The following CNIH3 variants were observed in gnomAD, a reference collection of about 807,000 sequenced individuals.
The protein encoded by CNIH3 is cornichon family AMPA receptor auxiliary protein 3, also known as protein cornichon homolog 3.
In CNIH3, 14 loss-of-function variants were observed where a neutral mutation model predicts 24.1. The observed-to-expected ratio is 0.58, with a 90% CI of 0.38 to 0.91. The LOEUF is 0.91. Ranked by LOEUF, CNIH3 falls within the 40% of genes least tolerant of loss-of-function variation. The probability of loss-of-function intolerance (pLI) is 0.00; values close to 1 mark genes in which losing one functional copy is unlikely to be tolerated. For missense variants in CNIH3, 178 were observed against 196.8 expected (o/e 0.90, Z 0.57); for synonymous variants, 68 against 73.8 (o/e 0.92, Z 0.40).
chr1:224,555,299 G>A (rs1349036235), intron 3 of CNIH3, among the ~76,000 whole-genome samples: 2 of 152,158 alleles, frequency 1.3e-5, no homozygotes, highest in Admixed American at 1.3e-4. Flanking sequence ...TAAATGTAAT[G>A]AAGATTTAGT....
intron 2 of CNIH3, among the ~76,000 whole-genome samples, chr1:224,683,082 A>G (rs528820424): frequency 4.1e-4 from 63 of 152,380 alleles, no homozygotes; most frequent in East Asian, 5.8e-4. Flanking sequence ...CAGTGCAGGA[A>G]TAGAATTTGC....
intron 3 of CNIH3, among the ~76,000 whole-genome samples, chr1:224,685,438 G>C (rs1346431702): frequency 6.6e-6 from 1 of 152,164 alleles, no homozygotes; most frequent in Non-Finnish European, 1.5e-5. Context: ...GTTCAAACTT[G>C]GTATTTAGCA....
intron 1 of CNIH3, among the ~76,000 whole-genome samples, chr1:224,635,175 G>C (rs562046457): frequency 5.3e-4 from 80 of 152,188 alleles, no homozygotes; most frequent in African/African-American, 1.9e-3. Flanking sequence ...GGGGGTCGGG[G>C]GGAACTGCCC....
rs938448845 is a variant in CNIH3 at position 224,565,199 on chromosome 1, CTCTG to C, written n.451-996_451-993del. Among the ~76,000 whole-genome samples the C allele has an allele frequency of 2.6e-4, 40 of 152,134 alleles. 1 individual carries two copies. Among genetic ancestry groups the C allele is most frequent in the Non-Finnish European group, 1.5e-5 (1 of 68,026 alleles). On this transcript the variant is annotated intron_variant and non_coding_transcript_variant, in intron 3 of 5. Transcript: ENST00000471578. ...GTAGCTGATCTGAGTGTGTGTATGT[CTCTG>C]TCTAATAGGTTTTTCTTGCAAAAAG...
chr1:224,525,263 G>A (rs571035665), intron 2 of CNIH3, among the ~76,000 whole-genome samples: 9 of 152,272 alleles, frequency 5.9e-5, no homozygotes, highest in African/African-American at 1.9e-4. Flanking sequence ...GCATATATTT[G>A]GTGTCATGCA....
intron 1 of CNIH3, among the ~76,000 whole-genome samples, chr1:224,619,684 T>G (rs1284394944): frequency 6.6e-6 from 1 of 152,196 alleles, no homozygotes; most frequent in African/African-American, 2.4e-5. Context: ...AGACTTGGTT[T>G]TATGTTAGAC....
chr1:224,495,584 G>C (rs777517094), intron 1 of CNIH3, among the ~76,000 whole-genome samples: 1 of 152,194 alleles, frequency 6.6e-6, no homozygotes, highest in African/African-American at 2.4e-5. Context: ...CAGTCTTACA[G>C]CAGTGGTGTC....
At chr1:224,627,066 T>C (rs1365981996) in intron 1 of CNIH3, among the ~76,000 whole-genome samples, 1 of 152,160 alleles carries the variant, frequency 6.6e-6, no homozygotes, top group Non-Finnish European at 1.5e-5. Flanking sequence ...ACAGGGCTCT[T>C]GGTGTCCAAT....
At chr1:224,734,739 C>T in intron 5 of CNIH3, 33 bp downstream of exon 5, 1 of 1,609,888 alleles carries the variant, frequency 6.2e-7, no homozygotes, top group Non-Finnish European at 8.5e-7. Flanking sequence ...GGTTTTGACT[C>T]CTGCAGCAAA....
chr1:224,500,179 AT>A lies in CNIH3; in HGVS notation n.204-15550del, dbSNP rs532888387. ...CCATCAAGCCTGACTAATTAAAACA[AT>A]TTTTTTTTTTTATAGAGATAGTGTC... On this transcript the variant is annotated intron_variant and non_coding_transcript_variant, in intron 1 of 5. Coordinates refer to the CNIH3 transcript ENST00000471578. Among the ~76,000 whole-genome samples the A allele has an allele frequency of 1.6e-3, 228 of 145,350 alleles. 1 individual carries two copies. The highest frequency in any genetic ancestry group is 5.9e-3 in the East Asian group (29 of 4,894).
At chr1:224,434,861 A>C (rs1371131651) in exon 1 of CNIH3, 1 of 984,830 alleles carries the variant, frequency 1.0e-6, no homozygotes, top group African/African-American at 1.8e-5. Flanking sequence ...TTCCGGTGGC[A>C]GGTATGGAAC....
intron 1 of CNIH3, among the ~76,000 whole-genome samples, chr1:224,461,191 C>T (rs374044257): frequency 3.3e-5 from 5 of 151,706 alleles, no homozygotes; most frequent in African/African-American, 7.3e-5. Flanking sequence ...TTAGTAGAGA[C>T]GGGGTTTTTC....
intron 1 of CNIH3, among the ~76,000 whole-genome samples, chr1:224,468,461 G>T (rs1406999429): frequency 6.6e-6 from 1 of 152,130 alleles, no homozygotes; most frequent in African/African-American, 2.4e-5. Flanking sequence ...TGTGTTTTCA[G>T]CTTTGGTTTC....
intron 1 of CNIH3, among the ~76,000 whole-genome samples, chr1:224,675,825 C>T (rs561760385): frequency 9.2e-5 from 14 of 152,274 alleles, no homozygotes; most frequent in Middle Eastern, 3.4e-3. Context: ...CAAAAAACCC[C>T]CCAAAACTAA....
At chr1:224,673,429 T>C (rs1685969613) in intron 1 of CNIH3, among the ~76,000 whole-genome samples, 1 of 152,174 alleles carries the variant, frequency 6.6e-6, no homozygotes, top group East Asian at 1.9e-4. Flanking sequence ...TGCAGGCCTT[T>C]CCATGCCTCA....
chr1:224,582,064 G>T (rs1681298325), intron 4 of CNIH3, among the ~76,000 whole-genome samples: 1 of 152,162 alleles, frequency 6.6e-6, no homozygotes, highest in Non-Finnish European at 1.5e-5. Context: ...TGGACAGAGG[G>T]GGTGTGGGGA....
At chr1:224,525,571 C>T (rs752895134) in intron 2 of CNIH3, among the ~76,000 whole-genome samples, 9 of 152,218 alleles carry the variant, frequency 5.9e-5, no homozygotes, top group Admixed American at 2.0e-4. Context: ...CTGCTCTACA[C>T]GCACATGTAA....
chr1:224,627,330 A>G lies in CNIH3; in HGVS notation c.81+10075A>G, dbSNP rs1306653549. On this transcript the variant is annotated intron_variant, in intron 1 of 5. Transcript: ENST00000272133. ...CAACCTCTGCCCCCGGGTTCAAGCA[A>G]TTCTCCTGCCTCAGCCTCCTGAATA... Among the ~76,000 whole-genome samples the G allele has an allele frequency of 3.3e-5, 5 of 151,298 alleles. No individual in the cohort carries two copies. In the South Asian group the frequency reaches 6.4e-4, roughly 19 times the overall value.
intron 3 of CNIH3, among the ~76,000 whole-genome samples, chr1:224,557,290 C>T (rs1474790685): frequency 6.6e-6 from 1 of 152,026 alleles, no homozygotes; most frequent in Non-Finnish European, 1.5e-5. Flanking sequence ...TCAAACAATA[C>T]TCCCACCTCA....
Sources: allele counts gnomAD v4.1 joint callset (sites outside exome capture counted in the v4.1 genomes callset), GRCh38; gene constraint gnomAD v4.1.1; transcripts MANE v1.5; gene names NCBI Gene and HGNC (gene_info 2026-07-23, HGNC 2026-07-21).